The following ADAMTS18 variants were observed in gnomAD, a reference collection of about 807,000 sequenced individuals.
ADAMTS18 encodes A disintegrin and metalloproteinase with thrombospondin motifs 18.
In ADAMTS18, 157 loss-of-function variants were observed where a neutral mutation model predicts 165.9. That is an observed-to-expected ratio of 0.95 (90% CI 0.83 to 1.08). The LOEUF (loss-of-function observed/expected upper bound fraction) is 1.08, where lower values mean the gene tolerates loss of function less well. Ranked by LOEUF, ADAMTS18 falls within the 50% of genes least tolerant of loss-of-function variation. The pLI, the probability that ADAMTS18 is intolerant of heterozygous loss-of-function variation, is 0.00. For missense variants in ADAMTS18, 2,040 were observed against 1,534.0 expected, an observed-to-expected ratio of 1.33 and a Z score of -5.51; for synonymous variants, 782 against 578.2, an observed-to-expected ratio of 1.35 and a Z score of -5.06.
rs1016144026 is a variant in ADAMTS18 at position 77,297,509 on chromosome 16, T to C, written c.2675-94A>G. The C allele has an allele frequency of 4.5e-6, 6 of 1,332,156 alleles. No individual in the cohort carries two copies. In the African/African-American group the frequency reaches 8.7e-5, roughly 19 times the overall value. The allele number at this position is 1,332,156 out of a possible 1,614,324, so 82.5% of individuals were successfully genotyped here. A position where few individuals can be genotyped will look rare whatever the true frequency, so the allele number is the denominator to read the frequency against. ...CTTCTGATTTACCAGCATTGTGATA[T>C]TTTATTTCAGATATGGAATCCAAAT... On this transcript the variant is annotated intron_variant, in intron 17 of 22. Transcript: ENST00000282849.
chr16:77,327,883 C>G (rs1406137907), intron 12 of ADAMTS18, among the ~76,000 whole-genome samples: 1 of 152,158 alleles, frequency 6.6e-6, no homozygotes, highest in Non-Finnish European at 1.5e-5. Context: ...GGAGAAGGAA[C>G]AGAAAGCACC....
chr16:77,350,102 G>C (rs1438613057), intron 10 of ADAMTS18, among the ~76,000 whole-genome samples: 6 of 152,182 alleles, frequency 3.9e-5, no homozygotes, highest in Admixed American at 6.5e-5. Context: ...CACTCATGGA[G>C]TCAGTAAGCA....
intron 11 of ADAMTS18, 40 bp from the exon 12 acceptor site, chr16:77,335,944 A>G (rs371432734): frequency 4.3e-5 from 69 of 1,613,602 alleles, no homozygotes; most frequent in Non-Finnish European, 5.8e-5. Flanking sequence ...GTCAGAGACC[A>G]CCTGGGAAAG....
At chr16:77,364,756 A>AAAG (rs760471319) in intron 4 of ADAMTS18, among the ~76,000 whole-genome samples, 2,379 of 148,132 alleles carry the variant, frequency 0.016, 57 homozygotes, top group African/African-American at 0.057. Flanking sequence ...AAAGAAAAGA[A>AAAG]GAAAGAAAAG....
intron 12 of ADAMTS18, among the ~76,000 whole-genome samples, chr16:77,332,014 T>C (rs961759770): frequency 3.9e-5 from 6 of 152,202 alleles, no homozygotes; most frequent in Admixed American, 6.5e-5. Context: ...GCAATGCTAA[T>C]GACATGTCAG....
At chr16:77,308,311 C>CA (rs2055718001) in intron 16 of ADAMTS18, among the ~76,000 whole-genome samples, 1 of 152,178 alleles carries the variant, frequency 6.6e-6, no homozygotes. Flanking sequence ...GTTTATCAGA[C>CA]AGGGATGAAG....
Position 77,283,896 on chromosome 16 carries a change from G to A in ADAMTS18, c.*60C>T. The A allele has an allele frequency of 7.6e-7, 1 of 1,319,432 alleles. No homozygotes were observed. The highest frequency in any genetic ancestry group is 1.2e-5 in the South Asian group (1 of 84,952). 81.7% of individuals were successfully genotyped at this position (1,319,432 alleles called of 1,614,324 possible). ...CAGCTCCTGGTCTCAAAGGCAGCTG[G>A]TCTCTCTAGAGGTTGAAAGGTAAGC... is the stretch of plus-strand genomic sequence containing the variant. On this transcript the variant is annotated 3_prime_UTR_variant, in exon 23 of 23. Transcript: ENST00000282849.
intron 18 of ADAMTS18, among the ~76,000 whole-genome samples, chr16:77,296,579 T>C (rs2055476767): frequency 6.6e-6 from 1 of 152,190 alleles, no homozygotes; most frequent in African/African-American, 2.4e-5. Context: ...ACGCCTGTAA[T>C]GCCAGAACTT....
rs148425581 is a variant in ADAMTS18, at chr16:77,285,269, T to C, written c.3551-1198A>G. 3.1e-3 allele frequency among the ~76,000 whole-genome samples: 479 copies of C among 152,316 alleles called. 1 individual carries two copies. Among genetic ancestry groups the C allele is most frequent in the African/African-American group, 0.011 (460 of 41,588 alleles). On this transcript the variant is annotated intron_variant, in intron 22 of 22. Coordinates refer to ENST00000282849, the MANE Select transcript of ADAMTS18 (RefSeq NM_199355.4). ...CTCACTGCATCCTCCGCCTCATGTA[T>C]TCAAATGGTTCTCCTGCGTAAGCCT...
intron 10 of ADAMTS18, 48 bp from the exon 11 acceptor site, chr16:77,341,847 AAAC>A: frequency 7.6e-7 from 1 of 1,315,332 alleles, no homozygotes. Context: ...TATACAATAA[AAAC>A]AAAAATATTC....
intron 12 of ADAMTS18, among the ~76,000 whole-genome samples, chr16:77,334,883 A>T: frequency 7.4e-6 from 1 of 134,432 alleles, no homozygotes; most frequent in African/African-American, 2.8e-5. Context: ...TGCACTATAT[A>T]TTATAATATA....
intron 10 of ADAMTS18, among the ~76,000 whole-genome samples, chr16:77,351,605 T>A (rs964234500): frequency 5.3e-5 from 8 of 152,222 alleles, no homozygotes; most frequent in Non-Finnish European, 7.3e-5. Flanking sequence ...ATAAATAACA[T>A]AATGAATCCT....
chr16:77,377,112 G>T (rs536156111), intron 3 of ADAMTS18, among the ~76,000 whole-genome samples: 1 of 152,284 alleles, frequency 6.6e-6, no homozygotes, highest in African/African-American at 2.4e-5. Context: ...ACCTCATCCG[G>T]CCTCAAGGGC....
intron 3 of ADAMTS18, among the ~76,000 whole-genome samples, chr16:77,383,357 T>C (rs568889014): frequency 1.3e-5 from 2 of 152,294 alleles, no homozygotes; most frequent in East Asian, 1.9e-4. Context: ...TAGTAGCTTC[T>C]CTAGCATCTT....
chr16:77,295,009 G>C lies in ADAMTS18; in HGVS notation c.2920C>G (p.Leu974Val), dbSNP rs147971610. Residue 974 changes from leucine to valine, a missense_variant, in exon 19 of 23, where the codon CTC becomes GTC. Transcript: ENST00000282849. Reference protein sequence around the residue: ...FQKEEAVLHSLCPVSTPTQVQ... With the variant: ...FQKEEAVLHSVCPVSTPTQVQ... The stretch of plus-strand genomic sequence containing the variant: ...TGAGTGGGTGTGCTCACTGGACAGA[G>C]AGAATGCAACACTGCTTCCTCCTTT... 2.8e-5 allele frequency: 46 copies of C among 1,614,204 alleles called. No homozygotes were observed. In the African/African-American group the frequency reaches 5.3e-4, roughly 19 times the overall value.
chr16:77,350,607 G>T (rs1292690862), intron 10 of ADAMTS18, among the ~76,000 whole-genome samples: 1 of 152,138 alleles, frequency 6.6e-6, no homozygotes, highest in African/African-American at 2.4e-5. Flanking sequence ...AGGTCTTTGT[G>T]ACTCCCAAAT....
intron 3 of ADAMTS18, among the ~76,000 whole-genome samples, chr16:77,385,310 T>A (rs1597208063): frequency 6.6e-6 from 1 of 152,156 alleles, no homozygotes; most frequent in Non-Finnish European, 1.5e-5. Context: ...GGTTTCTAAG[T>A]TTGGATAGTA....
intron 12 of ADAMTS18, among the ~76,000 whole-genome samples, chr16:77,334,782 TACAGTAA>T (rs2056273899): frequency 1.9e-5 from 2 of 104,032 alleles, no homozygotes; most frequent in Non-Finnish European, 3.7e-5. Context: ...TACTATAGTA[TACAGTAA>T]ATATACTATA....
chr16:77,412,475 C>T (rs1426368138), intron 3 of ADAMTS18, among the ~76,000 whole-genome samples: 1 of 152,086 alleles, frequency 6.6e-6, no homozygotes, highest in African/African-American at 2.4e-5. Context: ...CAGAAGTATG[C>T]CACCATACCC....
Sources: gnomAD v4.1 joint callset for allele counts (sites outside exome capture counted in the v4.1 genomes callset) on GRCh38, gnomAD v4.1.1 for gene constraint, MANE v1.5 for transcripts, NCBI Gene and HGNC (gene_info 2026-07-23, HGNC 2026-07-21) for gene names.